The following COLGALT2 variants were observed in gnomAD, a reference collection of about 807,000 sequenced individuals.
COLGALT2 encodes collagen beta(1-O)galactosyltransferase 2, also known as procollagen galactosyltransferase 2.
In COLGALT2, 49 loss-of-function variants were observed where a neutral mutation model predicts 73.4. That is an observed-to-expected ratio of 0.67 (90% CI 0.53 to 0.85). The LOEUF (loss-of-function observed/expected upper bound fraction) is 0.85. COLGALT2 is among the 40% of genes least tolerant of loss of function. The probability of loss-of-function intolerance (pLI) is 0.00; values close to 1 mark genes in which losing one functional copy is unlikely to be tolerated. For missense variants in COLGALT2, 722 were observed against 790.2 expected (o/e 0.91, Z 1.03); for synonymous variants, 295 against 307.6 (o/e 0.96, Z 0.43).
intron 9 of COLGALT2, among the ~76,000 whole-genome samples, chr1:183,944,893 C>A (rs1418116298): frequency 6.6e-6 from 1 of 152,144 alleles, no homozygotes; most frequent in African/African-American, 2.4e-5. Flanking sequence ...GTTCAAGGGG[C>A]CTTTCTTCAG....
chr1:183,936,845 A>G lies in COLGALT2; in HGVS notation c.*1916T>C, dbSNP rs937533132. The G allele has an allele frequency of 1.9e-5, 24 of 1,231,674 alleles. No individual in the cohort carries two copies. The highest frequency in any genetic ancestry group is 2.4e-5 in the Non-Finnish European group (24 of 987,960). 76.3% of individuals were successfully genotyped at this position (1,231,674 alleles called of 1,614,324 possible). A position where few individuals can be genotyped will look rare whatever the true frequency, so the allele number is the denominator to read the frequency against. On this transcript the variant is annotated 3_prime_UTR_variant, in exon 12 of 12. Transcript: ENST00000361927. ...CCTCCAGCGGCCTAGCTTGCTGGTC[A>G]GTGTAGAAGGGTACCCACAGTGAGT...
At chr1:183,955,145 C>A (rs1372784699) in intron 6 of COLGALT2, among the ~76,000 whole-genome samples, 1 of 152,186 alleles carries the variant, frequency 6.6e-6, no homozygotes, top group Non-Finnish European at 1.5e-5. Context: ...GTCGGATGAT[C>A]TGGGTCCAAA....
chr1:183,955,857 G>A (rs1416369315), intron 6 of COLGALT2, among the ~76,000 whole-genome samples: 1 of 152,202 alleles, frequency 6.6e-6, no homozygotes, highest in Non-Finnish European at 1.5e-5. Context: ...TCCAGGCACA[G>A]GAGAGGAATA....
intron 1 of COLGALT2, among the ~76,000 whole-genome samples, chr1:184,035,892 T>G (rs1649658573): frequency 6.6e-6 from 1 of 152,216 alleles, no homozygotes; most frequent in South Asian, 2.1e-4. Flanking sequence ...TAAAGCAGTG[T>G]ACAGCACAGA....
chr1:183,982,061 G>T (rs1388044661), intron 1 of COLGALT2, among the ~76,000 whole-genome samples: 1 of 152,154 alleles, frequency 6.6e-6, no homozygotes, highest in Non-Finnish European at 1.5e-5. Flanking sequence ...TGGCCAACTT[G>T]ATCTACTTTC....
At chr1:184,014,921 T>C (rs1433770093) in intron 1 of COLGALT2, among the ~76,000 whole-genome samples, 1 of 152,048 alleles carries the variant, frequency 6.6e-6, no homozygotes, top group African/African-American at 2.4e-5. Context: ...GAAGAGTAAA[T>C]AGCAAGCTTT....
At chr1:183,943,540 A>C (rs1887280) in intron 10 of COLGALT2, among the ~76,000 whole-genome samples, 25,119 of 152,084 alleles carry the variant, frequency 0.17, 2,293 homozygotes, top group Admixed American at 0.25. Flanking sequence ...ATGAAAGGGA[A>C]GGGAAGAAAA....
intron 7 of COLGALT2, among the ~76,000 whole-genome samples, chr1:183,952,278 T>C (rs1670421561): frequency 6.6e-6 from 1 of 152,214 alleles, no homozygotes; most frequent in South Asian, 2.1e-4. Flanking sequence ...CATAGCATGG[T>C]AAAGCAGAAA....
rs566160466 is a variant in COLGALT2 at position 183,937,658 on chromosome 1, G to C, written c.*1103C>G. The C allele has an allele frequency of 4.3e-5, 42 of 985,282 alleles. No individual in the cohort carries two copies. Among genetic ancestry groups the C allele is most frequent in the Non-Finnish European group, 5.1e-5 (42 of 829,946 alleles). The allele number at this position is 985,282 out of a possible 1,614,324, so 61.0% of individuals were successfully genotyped here. ...GGAAATTCAGGAGAATCAGATTGCC[G>C]AACCAATGTGTCCACACCCACCACT... On this transcript the variant is annotated 3_prime_UTR_variant, in exon 12 of 12. Coordinates refer to ENST00000361927, the MANE Select transcript of COLGALT2 (RefSeq NM_015101.4).
intron 1 of COLGALT2, among the ~76,000 whole-genome samples, chr1:183,982,318 C>T (rs1263369201): frequency 6.6e-6 from 1 of 152,162 alleles, no homozygotes; most frequent in Non-Finnish European, 1.5e-5. Flanking sequence ...AGGCCACAGG[C>T]TCCACTGAGT....
chr1:183,997,005 G>T (rs1274771529), intron 1 of COLGALT2, among the ~76,000 whole-genome samples: 2 of 152,166 alleles, frequency 1.3e-5, no homozygotes, highest in Admixed American at 1.3e-4. Flanking sequence ...ATGGACAAAT[G>T]AATAAATGAA....
rs189874182 is a variant in COLGALT2, at chr1:183,938,321, A to G, written c.*440T>C. 3.5e-5 allele frequency: 35 copies of G among 991,984 alleles called. No individual in the cohort carries two copies. In the East Asian group the frequency reaches 3.2e-3, roughly 91 times the overall value. The allele number at this position is 991,984 out of a possible 1,614,324, so 61.4% of individuals were successfully genotyped here. On this transcript the variant is annotated 3_prime_UTR_variant, in exon 12 of 12. Transcript: ENST00000361927. ...CAAAAGTTGCACACACAAGTTTTCA[A>G]TGTCATATAAAACGGACAAACTAGA...
At chr1:183,979,937 C>T (rs1209609875) in intron 1 of COLGALT2, among the ~76,000 whole-genome samples, 2 of 152,050 alleles carry the variant, frequency 1.3e-5, no homozygotes, top group East Asian at 1.9e-4. Flanking sequence ...ATCTAAATGA[C>T]ATATACGTAG....
intron 10 of COLGALT2, among the ~76,000 whole-genome samples, chr1:183,942,522 T>TTG (rs1322661322): frequency 5.9e-5 from 9 of 152,256 alleles, no homozygotes; most frequent in Non-Finnish European, 1.3e-4. Flanking sequence ...TTGCATTATA[T>TTG]TTCTATTGAA....
At chr1:183,975,243 T>C (rs1558321713) in intron 2 of COLGALT2, 29 bp from the exon 3 acceptor site, 3 of 1,418,004 alleles carry the variant, frequency 2.1e-6, no homozygotes, top group Non-Finnish European at 3.0e-6. Flanking sequence ...CTCATCATTA[T>C]TGAGTGCCTA....
At position 183,938,773 on chromosome 1, in the gene COLGALT2, C is replaced by T; in HGVS notation, c.1869G>A (p.Arg623=). Residue 623 remains arginine (R), a synonymous_variant, in exon 12 of 12, where the codon AGG becomes AGA. Coordinates refer to ENST00000361927, the MANE Select transcript of COLGALT2 (RefSeq NM_015101.4). ...PPTSLDTVPS[R]DEL ...TCCCAGGGAGCCTTCATAGCTCATC[C>T]CTTGAAGGCACAGTGTCCAGGGAGG... 2 of 1,614,068 alleles carry T rather than the reference C, an allele frequency of 1.2e-6. No individual in the cohort carries two copies. Among genetic ancestry groups the T allele is most frequent in the Non-Finnish European group, 1.7e-6 (2 of 1,179,974 alleles).
chr1:184,030,782 C>T (rs921051205), intron 1 of COLGALT2, among the ~76,000 whole-genome samples: 1 of 152,204 alleles, frequency 6.6e-6, no homozygotes, highest in Admixed American at 6.5e-5. Context: ...GCTTAAAATA[C>T]TCCCCATGCT....
chr1:183,998,680 C>T (rs1246876515), intron 1 of COLGALT2, among the ~76,000 whole-genome samples: 2 of 152,028 alleles, frequency 1.3e-5, no homozygotes, highest in African/African-American at 4.8e-5. Flanking sequence ...TTATCTTTAT[C>T]AATTTTTCCT....
At chr1:183,980,627 A>G (rs1671323669) in intron 1 of COLGALT2, among the ~76,000 whole-genome samples, 1 of 152,138 alleles carries the variant, frequency 6.6e-6, no homozygotes, top group South Asian at 2.1e-4. Flanking sequence ...ACCAAATCCT[A>G]CAATAGATAC....
Sources: allele counts gnomAD v4.1 joint callset (sites outside exome capture counted in the v4.1 genomes callset), GRCh38; gene constraint gnomAD v4.1.1; transcripts MANE v1.5; gene names NCBI Gene and HGNC (gene_info 2026-07-23, HGNC 2026-07-21).